CLSTN2: variants seen among roughly 807,000 people sequenced by gnomAD.
CLSTN2 encodes the protein calsyntenin-2.
A neutral mutation model predicts 101.2 loss-of-function variants in CLSTN2; 48 were observed. The observed-to-expected ratio is 0.47, with a 90% CI of 0.38 to 0.60. The LOEUF is 0.60. Among genes scored for constraint, CLSTN2 ranks in the 20% least tolerant of loss-of-function variants. The probability of loss-of-function intolerance (pLI) is 0.00; values close to 1 mark genes in which losing one functional copy is unlikely to be tolerated. For synonymous variants in CLSTN2, 481 were observed against 463.6 expected (o/e 1.04, Z -0.48); for missense variants, 1,160 against 1,238.2 (o/e 0.94, Z 0.95).
intron 2 of CLSTN2, among the ~76,000 whole-genome samples, chr3:140,192,085 A>G (rs953056941): frequency 1.3e-5 from 2 of 151,840 alleles, no homozygotes; most frequent in African/African-American, 4.8e-5. Flanking sequence ...CTTTTGGCCC[A>G]TGTGTTTAGA....
chr3:140,080,295 T>C (rs1056947473), intron 1 of CLSTN2, among the ~76,000 whole-genome samples: 4 of 152,220 alleles, frequency 2.6e-5, no homozygotes, highest in African/African-American at 9.6e-5. Flanking sequence ...TGTTCACTAC[T>C]CTTTGTCTTC....
chr3:140,002,954 T>C (rs1340151885), intron 1 of CLSTN2, among the ~76,000 whole-genome samples: 1 of 152,232 alleles, frequency 6.6e-6, no homozygotes, highest in Non-Finnish European at 1.5e-5. Context: ...CATGCTGTTT[T>C]GGTTACTATA....
chr3:140,484,472 G>A (rs953444885), intron 8 of CLSTN2, among the ~76,000 whole-genome samples: 1 of 151,682 alleles, frequency 6.6e-6, no homozygotes, highest in Non-Finnish European at 1.5e-5. Flanking sequence ...GAGTATCTTT[G>A]TGGCATTCTC....
intron 6 of CLSTN2, among the ~76,000 whole-genome samples, chr3:140,455,034 TAA>T (rs1933363146): frequency 6.6e-6 from 1 of 152,210 alleles, no homozygotes. Flanking sequence ...CTTCAGAAAA[TAA>T]AAGACTTTCA....
chr3:139,954,833 C>T (rs1337903730), intron 1 of CLSTN2, among the ~76,000 whole-genome samples: 1 of 151,764 alleles, frequency 6.6e-6, no homozygotes, highest in East Asian at 1.9e-4. Flanking sequence ...TCAGGTAAGA[C>T]AATGAAAAAT....
chr3:140,505,488 C>T (rs1001903271), intron 8 of CLSTN2: 6 of 152,162 alleles, frequency 3.9e-5, no homozygotes, highest in African/African-American at 9.7e-5. Context: ...CTGAGGCAGT[C>T]CCCAGTGAGC....
chr3:140,547,717 A>G (rs1935624260), intron 10 of CLSTN2, among the ~76,000 whole-genome samples: 1 of 152,102 alleles, frequency 6.6e-6, no homozygotes. Context: ...CCTCACCTGG[A>G]CTTACAGAGC....
chr3:140,427,184 A>AAATATATATATATATGTGTGT, intron 5 of CLSTN2, among the ~76,000 whole-genome samples: 2 of 94,168 alleles, frequency 2.1e-5, no homozygotes, highest in Admixed American at 2.3e-4. Context: ...AAAAAAAAAA[A>AAATATATATATATATGTGTGT]ATATATATAT....
chr3:140,489,579 G>A (rs1245002933), intron 8 of CLSTN2, among the ~76,000 whole-genome samples: 1 of 152,086 alleles, frequency 6.6e-6, no homozygotes, highest in East Asian at 1.9e-4. Flanking sequence ...TGGAAGGCTT[G>A]CATGGAGCAG....
intron 5 of CLSTN2, among the ~76,000 whole-genome samples, chr3:140,427,231 A>ATG (rs2088580998): frequency 2.0e-5 from 2 of 102,202 alleles, no homozygotes; most frequent in African/African-American, 1.1e-4. Context: ...ATATGTGTGT[A>ATG]TATATATATA....
At chr3:140,097,338 G>C (rs2107788391) in intron 1 of CLSTN2, among the ~76,000 whole-genome samples, 1 of 152,224 alleles carries the variant, frequency 6.6e-6, no homozygotes, top group East Asian at 1.9e-4. Context: ...TTTAAACTGA[G>C]AGATTTAGCA....
rs1310548826 is a variant in CLSTN2, at chr3:139,935,685, C to T, written c.109+202C>T. Among the ~76,000 whole-genome samples, 21 of 152,180 alleles carry T rather than the reference C, an allele frequency of 1.4e-4. No homozygotes were observed. The highest frequency in any genetic ancestry group is 1.5e-5 in the Non-Finnish European group (1 of 68,032). ...GTCCACCCGCGGACGTCAACTCAAC[C>T]CCTGGGCGGGGTCCGGGGGCTGAGC... is the stretch of plus-strand genomic sequence containing the variant. On this transcript the variant is annotated intron_variant, in intron 1 of 16. Transcript: ENST00000458420. The surrounding 1 kb of genome is among the most constrained non-coding windows in gnomAD (Gnocchi z 5.5).
chr3:140,519,335 G>T (rs1188630440), intron 8 of CLSTN2, among the ~76,000 whole-genome samples: 1 of 152,176 alleles, frequency 6.6e-6, no homozygotes, highest in African/African-American at 2.4e-5. Flanking sequence ...TAGCTATTAG[G>T]TCCACTTAAT....
intron 2 of CLSTN2, among the ~76,000 whole-genome samples, chr3:140,295,734 G>A (rs148601737): frequency 3.3e-5 from 5 of 152,224 alleles, no homozygotes; most frequent in African/African-American, 4.8e-5. Flanking sequence ...AACTCAGGAC[G>A]ACCATTGCCT....
chr3:140,280,993 A>G (rs1314561011), intron 2 of CLSTN2, among the ~76,000 whole-genome samples: 1 of 152,232 alleles, frequency 6.6e-6, no homozygotes. Flanking sequence ...AGTAAGAGAA[A>G]AATAGCATGA....
intron 5 of CLSTN2, among the ~76,000 whole-genome samples, chr3:140,423,613 G>A (rs1292946232): frequency 6.6e-6 from 1 of 152,100 alleles, no homozygotes; most frequent in Admixed American, 6.5e-5. Context: ...TCTTCAAAGA[G>A]CCTAATCAAT....
chr3:139,966,441 C>T (rs892819773), intron 1 of CLSTN2, among the ~76,000 whole-genome samples: 1 of 152,168 alleles, frequency 6.6e-6, no homozygotes, highest in Non-Finnish European at 1.5e-5. Context: ...TTGTTCTCTC[C>T]TGCTCTTGCT....
chr3:140,286,533 T>C (rs1014369840), intron 2 of CLSTN2, among the ~76,000 whole-genome samples: 4 of 152,200 alleles, frequency 2.6e-5, no homozygotes, highest in South Asian at 4.1e-4. Flanking sequence ...GTTATATATG[T>C]ATATTCTTTT....
At chr3:139,961,917 T>A (rs1935517296) in intron 1 of CLSTN2, among the ~76,000 whole-genome samples, 1 of 152,140 alleles carries the variant, frequency 6.6e-6, no homozygotes, top group African/African-American at 2.4e-5. Flanking sequence ...TATCTTAGTT[T>A]TTTTCACTTA....
Sources: allele counts gnomAD v4.1 joint callset (sites outside exome capture counted in the v4.1 genomes callset), GRCh38; gene constraint gnomAD v4.1.1; non-coding constraint Gnocchi (gnomAD v3.1); transcripts MANE v1.5; gene names NCBI Gene and HGNC (gene_info 2026-07-23, HGNC 2026-07-21).